TGFB1: variants seen among roughly 807,000 people sequenced by gnomAD.
TGFB1 encodes the protein transforming growth factor beta 1, also known as transforming growth factor beta-1 proprotein.
A neutral mutation model predicts 43.8 loss-of-function variants in TGFB1; 19 were observed. The observed-to-expected ratio is 0.43, with a 90% confidence interval of 0.30 to 0.64. The LOEUF is 0.64. Ranked by LOEUF, TGFB1 falls within the 30% of genes least tolerant of loss-of-function variation. TGFB1 has a pLI of 0.11. For synonymous variants in TGFB1, 221 were observed against 236.3 expected (o/e 0.94, Z 0.60); for missense variants, 445 against 529.8 (o/e 0.84, Z 1.57).
At chr19:41,342,821 G>A (rs551870003) in intron 3 of TGFB1, among the ~76,000 whole-genome samples, 14 of 151,630 alleles carry the variant, frequency 9.2e-5, no homozygotes, top group East Asian at 3.9e-4. Flanking sequence ...CGGCCTACAC[G>A]GCTACTTTTT....
chr19:41,339,412 C>T (rs1049109349), intron 5 of TGFB1, among the ~76,000 whole-genome samples: 2 of 152,044 alleles, frequency 1.3e-5, no homozygotes, highest in African/African-American at 4.8e-5. Flanking sequence ...AGCCACCGCA[C>T]CTGGCCTTCA....
chr19:41,343,454 T>C (rs2038081721), intron 3 of TGFB1, among the ~76,000 whole-genome samples: 1 of 152,020 alleles, frequency 6.6e-6, no homozygotes, highest in African/African-American at 2.4e-5. Flanking sequence ...TTTTTTTTCA[T>C]GTGGCCAAAC....
At chr19:41,344,344 C>G (rs1395104733) in intron 3 of TGFB1, among the ~76,000 whole-genome samples, 2 of 152,134 alleles carry the variant, frequency 1.3e-5, no homozygotes, top group Non-Finnish European at 2.9e-5. Flanking sequence ...TCAACATCAG[C>G]TATGGTGCCC....
In TGFB1 at chr19:41,352,978, G is replaced by C; in HGVS notation, c.67C>G (p.Pro23Ala). 1 of 1,542,282 alleles carries C rather than the reference G, an allele frequency of 6.5e-7. No individual in the cohort carries two copies. The highest frequency in any genetic ancestry group is 8.7e-7 in the Non-Finnish European group (1 of 1,147,860). Residue 23 changes from proline (P) to alanine (A), a missense_variant, in exon 1 of 7, where the codon CCT becomes GCT. Around this residue, in one of 3 missense-constraint regions of TGFB1, gnomAD observed 366 missense variants for 428.8 expected, o/e 0.85. Transcript: ENST00000221930. ...GATAGTCCCGCGGCCGGCCGGCCAG[G>C]CGTCAGCACCAGTAGCCACAGCAGC... is the stretch of plus-strand genomic sequence containing the variant. ...LPLLWLLVLTPGRPAAGLSTC... is the reference protein window; with the variant it reads ...LPLLWLLVLTAGRPAAGLSTC...
intron 3 of TGFB1, among the ~76,000 whole-genome samples, chr19:41,343,978 A>ATG (rs1168777114): frequency 9.5e-6 from 1 of 105,150 alleles, no homozygotes; most frequent in Non-Finnish European, 1.9e-5. Flanking sequence ...TTTGCCTGGA[A>ATG]TCTTTTTTTT....
chr19:41,330,872 T>G lies in TGFB1; in HGVS notation c.*180A>C. The stretch of plus-strand genomic sequence containing the variant: ...AGTGGGAGTGGGGGAACGTCAGGGA[T>G]GGAGACCCCAGGCAGGCGCCCAATG... On this transcript the variant is annotated 3_prime_UTR_variant, in exon 7 of 7. Transcript: ENST00000221930. 1 of 539,420 alleles carries G rather than the reference T, an allele frequency of 1.9e-6. No individual in the cohort carries two copies. Among genetic ancestry groups the G allele is most frequent in the Non-Finnish European group, 3.2e-6 (1 of 309,874 alleles). 33.4% of individuals were successfully genotyped at this position (539,420 alleles called of 1,614,324 possible). A position where few individuals can be genotyped will look rare whatever the true frequency, so the allele number is the denominator to read the frequency against.
intron 1 of TGFB1, among the ~76,000 whole-genome samples, chr19:41,351,868 C>G (rs2038202804): frequency 6.6e-6 from 1 of 151,802 alleles, no homozygotes; most frequent in Non-Finnish European, 1.5e-5. Context: ...CCACGCCTGT[C>G]TCCCCTCTCG....
At chr19:41,332,379 C>A (rs2037943563) in intron 5 of TGFB1, 98 bp from the exon 6 acceptor site, 5 of 1,439,982 alleles carry the variant, frequency 3.5e-6, no homozygotes, top group Admixed American at 2.0e-5. Context: ...CTAGGTTGCC[C>A]CCCCAGCCCT....
intron 6 of TGFB1, among the ~76,000 whole-genome samples, chr19:41,331,429 G>A (rs1032499133): frequency 3.3e-5 from 5 of 151,966 alleles, no homozygotes; most frequent in African/African-American, 1.2e-4. Flanking sequence ...TTGAGACTGG[G>A]TCTCGCTCTG....
chr19:41,331,499 C>T (rs910515379), intron 6 of TGFB1, among the ~76,000 whole-genome samples: 7 of 151,206 alleles, frequency 4.6e-5, no homozygotes, highest in Middle Eastern at 3.4e-3. Context: ...ACCTCCTGAG[C>T]GCAAGCCATC....
At chr19:41,331,997 T>A in intron 6 of TGFB1, 131 bp downstream of exon 6, 4 of 1,187,350 alleles carry the variant, frequency 3.4e-6, no homozygotes, top group Non-Finnish European at 4.8e-6. Flanking sequence ...TTCATTCCCC[T>A]CCCCACCCCA....
chr19:41,343,119 C>G (rs1404579510), intron 3 of TGFB1, among the ~76,000 whole-genome samples: 3 of 148,368 alleles, frequency 2.0e-5, no homozygotes, highest in Non-Finnish European at 4.4e-5. Context: ...TCCCTAATCC[C>G]TATTTTTTCT....
chr19:41,349,589 T>G (rs1338254667), intron 1 of TGFB1, among the ~76,000 whole-genome samples: 1 of 152,128 alleles, frequency 6.6e-6, no homozygotes, highest in Admixed American at 6.5e-5. Context: ...AAACCCCGTT[T>G]CTACTAAAAA....
intron 3 of TGFB1, among the ~76,000 whole-genome samples, chr19:41,344,248 G>T (rs1312836481): frequency 6.6e-6 from 1 of 151,986 alleles, no homozygotes; most frequent in Non-Finnish European, 1.5e-5. Context: ...GCCTTCAAAA[G>T]TGCTGGGATT....
intron 5 of TGFB1, among the ~76,000 whole-genome samples, chr19:41,336,687 G>A (rs532632237): frequency 4.6e-5 from 7 of 152,242 alleles, no homozygotes; most frequent in African/African-American, 1.7e-4. Flanking sequence ...ACTGCAGCCA[G>A]CCGACAATGG....
chr19:41,344,726 G>A, intron 3 of TGFB1, 21 bp downstream of exon 3: 1 of 1,604,334 alleles, frequency 6.2e-7, no homozygotes, highest in Non-Finnish European at 8.5e-7. Context: ...AACAGGGGTG[G>A]GACACACAAG....
At chr19:41,348,158 T>C in intron 2 of TGFB1, 137 bp downstream of exon 2, 1 of 1,003,852 alleles carries the variant, frequency 1.0e-6, no homozygotes. Context: ...GTTCTAGGAT[T>C]GTATGGTTTG....
At chr19:41,345,995 C>T (rs1353431848) in intron 2 of TGFB1, among the ~76,000 whole-genome samples, 1 of 152,042 alleles carries the variant, frequency 6.6e-6, no homozygotes, top group East Asian at 1.9e-4. Flanking sequence ...GACTAATGTT[C>T]TATAAACCCA....
Position 41,336,363 on chromosome 19 carries a change from A to ATC in TGFB1, c.861-4084_861-4083dup, listed in dbSNP as rs1217171337. 2.7e-5 allele frequency among the ~76,000 whole-genome samples: 4 copies of ATC among 150,096 alleles called. No individual in the cohort carries two copies. In the East Asian group the frequency reaches 7.9e-4, roughly 29 times the overall value. ...CCAACTCATGGCCAATTTCCATTGC[A>ATC]TCTCTACCCCTATCCACTATCTCTT... On this transcript the variant is annotated intron_variant, in intron 5 of 6. Transcript: ENST00000221930.
Sources: gnomAD v4.1 joint callset for allele counts (sites outside exome capture counted in the v4.1 genomes callset) on GRCh38, gnomAD v4.1.1 for gene constraint, gnomAD v4.1.1 regional missense constraint, MANE v1.5 for transcripts, NCBI Gene and HGNC (gene_info 2026-07-23, HGNC 2026-07-21) for gene names.